Variants in PRKD3 observed in about 807,000 individuals in gnomAD.
The protein encoded by PRKD3 is protein kinase D3.
A neutral mutation model predicts 99.2 loss-of-function variants in PRKD3; 47 were observed. The observed-to-expected ratio is 0.47, with a 90% confidence interval of 0.38 to 0.60. The LOEUF is 0.60. Among genes scored for constraint, PRKD3 ranks in the 20% least tolerant of loss-of-function variants. The probability of loss-of-function intolerance (pLI) is 0.00; values close to 1 mark genes in which losing one functional copy is unlikely to be tolerated. For missense variants in PRKD3, 1,019 were observed against 1,088.4 expected, an observed-to-expected ratio of 0.94 and a Z score of 0.90; for synonymous variants, 392 against 355.4, an observed-to-expected ratio of 1.10 and a Z score of -1.16.
intron 2 of PRKD3, among the ~76,000 whole-genome samples, chr2:37,307,395 AATT>A (rs1380953138): frequency 1.3e-5 from 2 of 152,192 alleles, no homozygotes; most frequent in African/African-American, 4.8e-5. Flanking sequence ...TCTACAAACT[AATT>A]ATCTGACAAT....
At chr2:37,319,981 T>G (rs912795112) in intron 1 of PRKD3, among the ~76,000 whole-genome samples, 4 of 152,206 alleles carry the variant, frequency 2.6e-5, no homozygotes, top group Non-Finnish European at 5.9e-5. Context: ...GTACAAACTA[T>G]CTGTAACAAC....
At position 37,256,899 on chromosome 2, in the gene PRKD3, T is replaced by G; in HGVS notation, c.2176A>C (p.Ile726Leu). 6.2e-7 allele frequency: 1 copy of G among 1,614,100 alleles called. No homozygotes were observed. The highest frequency in any genetic ancestry group is 8.5e-7 in the Non-Finnish European group (1 of 1,180,026). Reference protein sequence around the residue: ...VKLCDFGFARIIGEKSFRRSV... With the variant: ...VKLCDFGFARLIGEKSFRRSV... Reference sequence around the variant, plus strand: ...CTCCTGAATGACTTTTCACCAATGATGCGTGCAAATCCAAAGTCACACAGC... The same window carrying G: ...CTCCTGAATGACTTTTCACCAATGAGGCGTGCAAATCCAAAGTCACACAGC... The change falls in exon 17 of 19, where the codon ATC (isoleucine) becomes CTC (leucine). Residue 726 changes from isoleucine (I) to leucine (L), a missense_variant. This residue lies in a region of PRKD3 where 184 missense variants were observed against 275.1 expected (regional missense o/e 0.67). Transcript: ENST00000234179.
chr2:37,304,182 T>G (rs758287035), intron 2 of PRKD3, among the ~76,000 whole-genome samples: 1 of 143,472 alleles, frequency 7.0e-6, no homozygotes, highest in South Asian at 2.2e-4. Flanking sequence ...ACTTTGTACT[T>G]AACAGGTACT....
At chr2:37,322,568 G>T (rs1185067468) in intron 1 of PRKD3, among the ~76,000 whole-genome samples, 1 of 152,212 alleles carries the variant, frequency 6.6e-6, no homozygotes, top group East Asian at 1.9e-4. Flanking sequence ...TCCATGTTGA[G>T]CTTGACAGAT....
chr2:37,282,417 T>C, intron 7 of PRKD3, 125 bp downstream of exon 7: 1 of 670,868 alleles, frequency 1.5e-6, no homozygotes, highest in South Asian at 2.0e-5. Flanking sequence ...GTTTGATTAT[T>C]AAATCAGAAG....
intron 2 of PRKD3, among the ~76,000 whole-genome samples, chr2:37,308,064 G>A (rs559459050): frequency 1.3e-5 from 2 of 152,228 alleles, no homozygotes; most frequent in East Asian, 3.9e-4. Context: ...TTTTAAAACT[G>A]TTTTGAACAT....
intron 9 of PRKD3, 135 bp from the exon 10 acceptor site, chr2:37,275,979 C>G: frequency 8.1e-7 from 1 of 1,236,906 alleles, no homozygotes; most frequent in Non-Finnish European, 1.1e-6. Flanking sequence ...GTTCAAAATT[C>G]TCAAGATATA....
Position 37,286,190 on chromosome 2 carries a change from T to G in PRKD3, c.897A>C (p.Gly299=). Residue 299 remains glycine, a synonymous_variant, in exon 6 of 19, where the codon GGA becomes GGC. Coordinates refer to ENST00000234179, the MANE Select transcript of PRKD3 (RefSeq NM_005813.6). ...ACCTAATCCTACCTTTACACTGCAT[T>G]CCTTGGCGAAAGAGGCCTTTCAGTA... ...KRLLKGLFRQ[G]MQCKDCKFNC... is the part of the protein sequence containing the mutation. 1 of 1,612,780 alleles carries G rather than the reference T, an allele frequency of 6.2e-7. No individual in the cohort carries two copies.
intron 14 of PRKD3, 85 bp downstream of exon 14, chr2:37,267,345 T>C (rs896846910): frequency 1.0e-6 from 1 of 957,116 alleles, no homozygotes; most frequent in Non-Finnish European, 1.5e-6. Flanking sequence ...TTTTGCCTTC[T>C]TAAAAAAAAA....
chr2:37,277,011 A>T (rs899254534), intron 9 of PRKD3, among the ~76,000 whole-genome samples: 2 of 152,038 alleles, frequency 1.3e-5, no homozygotes, highest in African/African-American at 4.8e-5. Context: ...ATGAACTATA[A>T]ATAAAACACA....
chr2:37,285,905 A>G (rs1385453424), intron 6 of PRKD3, among the ~76,000 whole-genome samples: 1 of 152,214 alleles, frequency 6.6e-6, no homozygotes, highest in Non-Finnish European at 1.5e-5. Flanking sequence ...TAGTATATTA[A>G]CAAAAGCATA....
At chr2:37,277,444 G>A (rs763586885) in intron 9 of PRKD3, among the ~76,000 whole-genome samples, 7 of 151,942 alleles carry the variant, frequency 4.6e-5, no homozygotes, top group Non-Finnish European at 8.8e-5. Flanking sequence ...ATCATTCCTC[G>A]TCTTTGCTGG....
At chr2:37,298,477 C>A (rs1670769814) in intron 2 of PRKD3, among the ~76,000 whole-genome samples, 1 of 151,792 alleles carries the variant, frequency 6.6e-6, no homozygotes, top group African/African-American at 2.4e-5. Flanking sequence ...ATAATCTTAA[C>A]CAAGTTACTT....
At chr2:37,279,663 C>A (rs1669742547) in intron 8 of PRKD3, 83 bp downstream of exon 8, 1 of 1,072,130 alleles carries the variant, frequency 9.3e-7, no homozygotes, top group East Asian at 2.7e-5. Context: ...TAAGGTCCCA[C>A]TTAAAGAGAC....
chr2:37,321,836 CAA>C (rs201366672), intron 1 of PRKD3, among the ~76,000 whole-genome samples: 1,938 of 152,236 alleles, frequency 0.013, 16 homozygotes, highest in Middle Eastern at 0.027. Context: ...GTCAACGATG[CAA>C]AGAGACAGAC....
chr2:37,300,468 A>AATC (rs1394650059), intron 2 of PRKD3, among the ~76,000 whole-genome samples: 1 of 152,246 alleles, frequency 6.6e-6, no homozygotes, highest in African/African-American at 2.4e-5. Flanking sequence ...GTAGCATGAT[A>AATC]GGTAGACTAC....
chr2:37,308,126 A>T (rs987057160), intron 2 of PRKD3, among the ~76,000 whole-genome samples: 7 of 152,200 alleles, frequency 4.6e-5, no homozygotes, highest in African/African-American at 1.7e-4. Flanking sequence ...CATAACTCTC[A>T]TATCATTTGA....
chr2:37,254,468 G>GT (rs1043653745), intron 17 of PRKD3, among the ~76,000 whole-genome samples, 179 bp from the exon 18 acceptor site: 9 of 152,300 alleles, frequency 5.9e-5, no homozygotes, highest in African/African-American at 2.2e-4. Flanking sequence ...TGATTTAAGT[G>GT]TATCTGTCAA....
intron 17 of PRKD3, among the ~76,000 whole-genome samples, chr2:37,256,243 G>A (rs1667925682): frequency 6.6e-6 from 1 of 152,078 alleles, no homozygotes; most frequent in South Asian, 2.1e-4. Flanking sequence ...GATGAGGCTA[G>A]AAGGTAAGCA....
Sources: allele counts gnomAD v4.1 joint callset (sites outside exome capture counted in the v4.1 genomes callset), GRCh38; gene constraint gnomAD v4.1.1; regional missense constraint gnomAD v4.1.1; transcripts MANE v1.5; gene names NCBI Gene and HGNC (gene_info 2026-07-23, HGNC 2026-07-21).